The following SIRPB1 variants were observed in gnomAD, a reference collection of about 807,000 sequenced individuals.
SIRPB1 encodes signal-regulatory protein beta-1.
A neutral mutation model predicts 34.1 loss-of-function variants in SIRPB1; 28 were observed. The ratio of observed to expected loss-of-function variants is 0.82; its 90% CI spans 0.61 to 1.12. The LOEUF is 1.12. Among genes scored for constraint, SIRPB1 ranks in the 50% most tolerant of loss-of-function variants. SIRPB1 has a pLI of 0.00. For missense variants in SIRPB1, 499 were observed against 507.0 expected (o/e 0.98, Z 0.15); for synonymous variants, 211 against 203.8 (o/e 1.04, Z -0.30).
In SIRPB1 at chr20:1,570,881, C is replaced by T. The variant is rs1382246216; in HGVS notation, c.1008G>A (p.Gly336=). The change falls in exon 4 of 6, where the codon GGG becomes GGA. Residue 336 remains glycine, a synonymous_variant. Coordinates refer to ENST00000381605, the MANE Select transcript of SIRPB1 (RefSeq NM_006065.5). ...VVLTCQVEHD[G]QQAVSKSYAL... ...CATAGCTTTTGCTGACTGCTTGCTGCCCATCATGCTCCACCTGACAGGTGA... is the reference window on the plus strand; with the variant it reads ...CATAGCTTTTGCTGACTGCTTGCTGTCCATCATGCTCCACCTGACAGGTGA... 2 of 1,614,180 alleles carry T rather than the reference C, an allele frequency of 1.2e-6. No homozygotes were observed. Among genetic ancestry groups the T allele is most frequent in the Non-Finnish European group, 1.7e-6 (2 of 1,180,034 alleles).
At position 1,565,319 on chromosome 20, in the gene SIRPB1, G is replaced by A. The variant is rs1184161465; in HGVS notation, c.*181C>T. On this transcript the variant is annotated 3_prime_UTR_variant, in exon 6 of 6. Transcript: ENST00000381605. Reference sequence around the variant, plus strand: ...AATCCCATGGCCCCTGCTCAGGACCGTGAATAGAGACACTGCTTTGGGGCA... The same window carrying A: ...AATCCCATGGCCCCTGCTCAGGACCATGAATAGAGACACTGCTTTGGGGCA... 7 of 320,438 alleles carry A rather than the reference G, an allele frequency of 2.2e-5. No individual in the cohort carries two copies. Among genetic ancestry groups the A allele is most frequent in the South Asian group, 1.6e-4 (1 of 6,334 alleles). 19.8% of individuals were successfully genotyped at this position (320,438 alleles called of 1,614,324 possible). A position where few individuals can be genotyped will look rare whatever the true frequency, so the allele number is the denominator to read the frequency against.
rs1294596995 is a variant in SIRPB1, at chr20:1,594,190, C to T, written c.77-15496G>A. ...TGCACTCCAGCCTGGGCAACAAGAG[C>T]GAAACTCCGTCTCAAAAAAACAAAC... On this transcript the variant is annotated intron_variant, in intron 1 of 5. Coordinates refer to ENST00000381605, the MANE Select transcript of SIRPB1 (RefSeq NM_006065.5). 3.5e-4 allele frequency among the ~76,000 whole-genome samples: 17 copies of T among 48,018 alleles called. 7 individuals carry two copies. The highest frequency in any genetic ancestry group is 1.4e-3 in the Admixed American group (10 of 7,202). The allele number at this position is 48,018 out of a possible 152,430, so 31.5% of individuals were successfully genotyped here.
chr20:1,617,695 A>G (rs1190396378), intron 1 of SIRPB1, among the ~76,000 whole-genome samples: 3 of 152,238 alleles, frequency 2.0e-5, no homozygotes, highest in Admixed American at 2.0e-4. Flanking sequence ...ATCTCACCAC[A>G]GAAATGATAC....
chr20:1,609,447 C>G lies in SIRPB1; in HGVS notation c.76+10422G>C, dbSNP rs1239956201. ...TGTCTTCTGGAGATTCCGTTTTTTG[C>G]CTTTCCAAATTCCAGAGGCTGCCCA... On this transcript the variant is annotated intron_variant, in intron 1 of 5. Transcript: ENST00000381605. Among the ~76,000 whole-genome samples the G allele has an allele frequency of 2.8e-5, 2 of 71,762 alleles. 1 individual carries two copies. Among genetic ancestry groups the G allele is most frequent in the Non-Finnish European group, 5.2e-5 (2 of 38,342 alleles). 47.1% of individuals were successfully genotyped at this position (71,762 alleles called of 152,430 possible).
chr20:1,596,829 T>C (rs1300035765), intron 1 of SIRPB1, among the ~76,000 whole-genome samples: 1 of 48,938 alleles, frequency 2.0e-5, no homozygotes, highest in Non-Finnish European at 3.9e-5. Context: ...CAGGAGGAGA[T>C]GATGCTAGCT....
chr20:1,572,196 C>T (rs1409485731), intron 2 of SIRPB1, among the ~76,000 whole-genome samples, 159 bp from the exon 3 acceptor site: 1 of 152,132 alleles, frequency 6.6e-6, no homozygotes, highest in East Asian at 1.9e-4. Flanking sequence ...GATCAGGACA[C>T]AACAGCTCTT....
In SIRPB1 at chr20:1,563,565, T is replaced by A. The variant is rs529134815; in HGVS notation, c.*1935A>T. ...TCCGTGTATTAGCCCATTCTCACAC[T>A]GCTATAAAGAACTACCAGAAACTGG... On this transcript the variant is annotated 3_prime_UTR_variant, in exon 6 of 6. Transcript: ENST00000381605. 6.6e-6 allele frequency: 1 copy of A among 152,214 alleles called. No individual in the cohort carries two copies. The highest frequency in any genetic ancestry group is 1.5e-5 in the Non-Finnish European group (1 of 68,016). The allele number at this position is 152,214 out of a possible 1,614,324, so 9.4% of individuals were successfully genotyped here.
rs2091407957 is a variant in SIRPB1 at position 1,583,351 on chromosome 20, G to A, written c.77-4657C>T. On this transcript the variant is annotated intron_variant, in intron 1 of 5. Transcript: ENST00000381605. Reference sequence around the variant, plus strand: ...ACTTTGTGCTTCTGTTTCCTTATTTGTGAGGGAGGGTGAACTTGGATATAA... The same window carrying A: ...ACTTTGTGCTTCTGTTTCCTTATTTATGAGGGAGGGTGAACTTGGATATAA... 8.2e-5 allele frequency among the ~76,000 whole-genome samples: 4 copies of A among 48,680 alleles called. 2 individuals are homozygous for A. The South Asian group carries it at 3.0e-3, about 37-fold the overall frequency. The allele number at this position is 48,680 out of a possible 152,430, so 31.9% of individuals were successfully genotyped here.
intron 1 of SIRPB1, among the ~76,000 whole-genome samples, chr20:1,619,447 C>T (rs1300207995): frequency 6.6e-6 from 1 of 152,220 alleles, no homozygotes; most frequent in East Asian, 1.9e-4. Flanking sequence ...CTCAAGTGAG[C>T]ACTATTACAG....
At chr20:1,578,843 T>C in intron 1 of SIRPB1, 149 bp from the exon 2 acceptor site, 1 of 691,114 alleles carries the variant, frequency 1.4e-6, no homozygotes, top group South Asian at 1.7e-5. Context: ...CATTTAACCC[T>C]CACAACTGGC....
chr20:1,570,421 T>G (rs1600099441), intron 4 of SIRPB1: 1 of 171,534 alleles, frequency 5.8e-6, no homozygotes, highest in East Asian at 1.8e-4. Flanking sequence ...AGGGACAAGG[T>G]AGAGGTTAGA....
chr20:1,566,653 A>G (rs1324603299), intron 4 of SIRPB1, among the ~76,000 whole-genome samples: 1 of 152,308 alleles, frequency 6.6e-6, no homozygotes, highest in South Asian at 2.1e-4. Context: ...AGTAGGATCC[A>G]AACCTAGGGA....
chr20:1,578,249 A>G lies in SIRPB1; in HGVS notation c.433+89T>C. 3.6e-6 allele frequency: 5 copies of G among 1,401,660 alleles called. 1 individual carries two copies. The highest frequency in any genetic ancestry group is 4.0e-6 in the Non-Finnish European group (4 of 997,764). 86.8% of individuals were successfully genotyped at this position (1,401,660 alleles called of 1,614,324 possible). A position where few individuals can be genotyped will look rare whatever the true frequency, so the allele number is the denominator to read the frequency against. ...AAAGGGTGGCTGCTCAGCCACCACC[A>G]CACCTGGCTGTTGCTCCAAGAATGG... On this transcript the variant is annotated intron_variant, in intron 2 of 5. Coordinates refer to ENST00000381605, the MANE Select transcript of SIRPB1 (RefSeq NM_006065.5).
rs1236106825 is a variant in SIRPB1 at position 1,565,329 on chromosome 20, A to G, written c.*171T>C. 1 of 301,440 alleles carries G rather than the reference A, an allele frequency of 3.3e-6. No individual in the cohort carries two copies. Among genetic ancestry groups the G allele is most frequent in the Non-Finnish European group, 6.1e-6 (1 of 164,520 alleles). 18.7% of individuals were successfully genotyped at this position (301,440 alleles called of 1,614,324 possible). A position where few individuals can be genotyped will look rare whatever the true frequency, so the allele number is the denominator to read the frequency against. On this transcript the variant is annotated 3_prime_UTR_variant, in exon 6 of 6. Transcript: ENST00000381605. ...CCCCTGCTCAGGACCGTGAATAGAG[A>G]CACTGCTTTGGGGCATCATGGTCTT...
At chr20:1,619,779 A>G in intron 1 of SIRPB1, 90 bp downstream of exon 1, 1 of 948,978 alleles carries the variant, frequency 1.1e-6, no homozygotes, top group Non-Finnish European at 1.6e-6. Flanking sequence ...TCTTGGCAGC[A>G]CTTGTCATTG....
At chr20:1,619,515 G>A (rs1444546158) in intron 1 of SIRPB1, among the ~76,000 whole-genome samples, 6 of 152,222 alleles carry the variant, frequency 3.9e-5, no homozygotes, top group Admixed American at 3.3e-4. Flanking sequence ...ACATAACCCT[G>A]TTAGGGTGTC....
At chr20:1,576,337 T>A (rs1313193449) in intron 2 of SIRPB1, among the ~76,000 whole-genome samples, 1 of 148,014 alleles carries the variant, frequency 6.8e-6, no homozygotes, top group East Asian at 1.9e-4. Flanking sequence ...CATGAAAGCA[T>A]CATGTTTTAG....
chr20:1,600,984 C>T lies in SIRPB1; in HGVS notation c.76+18885G>A, dbSNP rs1228668545. Among the ~76,000 whole-genome samples the T allele has an allele frequency of 4.1e-5, 2 of 48,798 alleles. 1 individual carries two copies. Among genetic ancestry groups the T allele is most frequent in the Non-Finnish European group, 7.9e-5 (2 of 25,286 alleles). The allele number at this position is 48,798 out of a possible 152,430, so 32.0% of individuals were successfully genotyped here. On this transcript the variant is annotated intron_variant, in intron 1 of 5. Coordinates refer to ENST00000381605, the MANE Select transcript of SIRPB1 (RefSeq NM_006065.5). ...TTCCTTGGCATCAGGCATTTGAAAC[C>T]GGATTGGGAAATGATAGTTATGAGG... is the stretch of plus-strand genomic sequence containing the variant.
At chr20:1,576,517 A>G (rs1360040131) in intron 2 of SIRPB1, among the ~76,000 whole-genome samples, 2 of 147,980 alleles carry the variant, frequency 1.4e-5, no homozygotes, top group Non-Finnish European at 3.0e-5. Flanking sequence ...TCCTTCTCTG[A>G]GAATTAATCT....
Sources: allele counts gnomAD v4.1 joint callset (sites outside exome capture counted in the v4.1 genomes callset), GRCh38; gene constraint gnomAD v4.1.1; transcripts MANE v1.5; gene names NCBI Gene and HGNC (gene_info 2026-07-23, HGNC 2026-07-21).